The following MID1 variants were observed in gnomAD, a reference collection of about 807,000 sequenced individuals.
MID1 encodes the protein E3 ubiquitin-protein ligase Midline-1.
Under a neutral mutation model 40.4 loss-of-function variants are expected in MID1, and 7 were observed. The observed-to-expected ratio is 0.17, with a 90% CI of 0.10 to 0.33. The LOEUF (loss-of-function observed/expected upper bound fraction) is 0.33. MID1 is among the 10% of genes least tolerant of loss of function. The pLI, the probability that MID1 is intolerant of heterozygous loss-of-function variation, is 1.00. For missense variants in MID1, 367 were observed against 558.5 expected (o/e 0.66, Z 3.46); for synonymous variants, 229 against 221.2 (o/e 1.04, Z -0.31).
intron 1 of MID1, among the ~76,000 whole-genome samples, chrX:10,708,115 T>A (rs1428184434): frequency 8.9e-6 from 1 of 112,561 alleles, no homozygotes; most frequent in Non-Finnish European, 1.9e-5. Context: ...TTAGTAAAAA[T>A]TATCTGGTCA....
chrX:10,609,235 G>A (rs758609640), intron 1 of MID1, among the ~76,000 whole-genome samples: 49 of 111,289 alleles, frequency 4.4e-4, no homozygotes, highest in Middle Eastern at 4.6e-3. Context: ...TTATTCCACC[G>A]TGTGTACATA....
intron 1 of MID1, among the ~76,000 whole-genome samples, chrX:10,572,314 C>T: frequency 9.1e-6 from 1 of 110,322 alleles, no homozygotes; most frequent in East Asian, 2.8e-4. Context: ...CTTTGGGAGG[C>T]CAAGGTGGGT....
chrX:10,567,932 T>C (rs1368343142), intron 1 of MID1, among the ~76,000 whole-genome samples: 4 of 112,180 alleles, frequency 3.6e-5, no homozygotes, highest in African/African-American at 9.7e-5. Flanking sequence ...AGAATAATCT[T>C]ATTGTGTCAG....
At chrX:10,590,724 T>C (rs745596950) in intron 1 of MID1, among the ~76,000 whole-genome samples, 6 of 112,526 alleles carry the variant, frequency 5.3e-5, no homozygotes, top group Non-Finnish European at 3.8e-5. Flanking sequence ...TCTTGTATTA[T>C]CAAAGTATGC....
chrX:10,799,491 G>C (rs918547989), intron 1 of MID1, among the ~76,000 whole-genome samples: 1 of 111,892 alleles, frequency 8.9e-6, no homozygotes. Context: ...GACACTATAA[G>C]GCCAGATCCG....
intron 1 of MID1, among the ~76,000 whole-genome samples, chrX:10,592,780 C>G (rs1013546716): frequency 6.3e-5 from 7 of 110,877 alleles, no homozygotes; most frequent in African/African-American, 2.3e-4. Flanking sequence ...CATGTGGGAA[C>G]AAAGATGACA....
intron 1 of MID1, among the ~76,000 whole-genome samples, chrX:10,759,235 G>T (rs1029966978): frequency 8.9e-6 from 1 of 112,279 alleles, no homozygotes. Flanking sequence ...CTAAGCGAGT[G>T]CTGTTACTCA....
At chrX:10,579,464 A>G (rs1268652784) in intron 1 of MID1, among the ~76,000 whole-genome samples, 3 of 112,276 alleles carry the variant, frequency 2.7e-5, no homozygotes, top group African/African-American at 9.7e-5. Flanking sequence ...AACACTGGAA[A>G]GCTTAAGTTC....
intron 1 of MID1, among the ~76,000 whole-genome samples, chrX:10,661,548 C>T (rs1343119827): frequency 9.1e-6 from 1 of 110,386 alleles, no homozygotes; most frequent in Non-Finnish European, 1.9e-5. Flanking sequence ...CTCCTGACCT[C>T]GTGATCCACC....
rs1936089419 is a variant in MID1 at position 10,634,654 on chromosome X, T to C, written c.-186-14235A>G. Among the ~76,000 whole-genome samples the C allele has an allele frequency of 3.6e-5, 4 of 112,176 alleles. No individual in the cohort carries two copies. The Admixed American group carries it at 3.8e-4, about 11-fold the overall frequency. ...GTATTTAATGCTAGCAATTTTTATCTTAATACACTTGCTTCATGCATTTGA... is the reference window on the plus strand; with the variant it reads ...GTATTTAATGCTAGCAATTTTTATCCTAATACACTTGCTTCATGCATTTGA... On this transcript the variant is annotated intron_variant, in intron 1 of 10. Transcript: ENST00000380785.
intron 1 of MID1, among the ~76,000 whole-genome samples, chrX:10,796,925 T>C (rs1359479924): frequency 4.5e-5 from 5 of 111,577 alleles, no homozygotes; most frequent in Non-Finnish European, 9.4e-5. Flanking sequence ...CCAAATAACT[T>C]TCATGTGATT....
At chrX:10,813,141 G>C (rs1247431837) in intron 1 of MID1, among the ~76,000 whole-genome samples, 1 of 109,347 alleles carries the variant, frequency 9.1e-6, no homozygotes, top group Non-Finnish European at 1.9e-5. Flanking sequence ...CAGGAAGATG[G>C]TCTAGTTTTG....
At chrX:10,602,244 A>C (rs1240339311) in intron 1 of MID1, among the ~76,000 whole-genome samples, 1 of 72,064 alleles carries the variant, frequency 1.4e-5, no homozygotes, top group African/African-American at 9.0e-5. Flanking sequence ...TTTTTTTTTT[A>C]CCACCAATGA....
chrX:10,572,846 G>T (rs916278627), intron 1 of MID1, among the ~76,000 whole-genome samples: 5 of 111,666 alleles, frequency 4.5e-5, no homozygotes, highest in African/African-American at 1.6e-4. Context: ...GCCTGTCCAT[G>T]GTTTAAACAT....
At position 10,482,665 on chromosome X, in the gene MID1, G is replaced by A. The variant is rs761942146; in HGVS notation, c.865-37C>T. ...GAGGCATGGAGAGAGATGGTTACAT[G>A]GGTGGTCTTGCTTAATGAAAAGGCA... On this transcript the variant is annotated intron_variant, in intron 4 of 9. Transcript: ENST00000317552. 4.9e-5 allele frequency: 58 copies of A among 1,188,551 alleles called. No individual in the cohort carries two copies. In the East Asian group the frequency reaches 1.5e-3, roughly 30 times the overall value.
At chrX:10,666,403 C>G in intron 1 of MID1, among the ~76,000 whole-genome samples, 1 of 59,814 alleles carries the variant, frequency 1.7e-5, no homozygotes, top group South Asian at 8.7e-4. Context: ...CCTTGATAAA[C>G]TGCAAAAAAA....
intron 1 of MID1, among the ~76,000 whole-genome samples, chrX:10,637,232 G>C (rs1016608583): frequency 5.4e-5 from 6 of 110,874 alleles, no homozygotes. Context: ...AAAAAAACTT[G>C]AAGGTTTCAA....
chrX:10,637,682 T>A (rs1409062250), intron 1 of MID1, among the ~76,000 whole-genome samples: 1 of 111,098 alleles, frequency 9.0e-6, no homozygotes, highest in Non-Finnish European at 1.9e-5. Flanking sequence ...CAATGTTGAA[T>A]TTATAGAGCC....
intron 7 of MID1, among the ~76,000 whole-genome samples, chrX:10,464,049 G>A (rs970689630): frequency 8.9e-6 from 1 of 111,819 alleles, no homozygotes; most frequent in Non-Finnish European, 1.9e-5. Context: ...TCCCAGTTTG[G>A]TCAGCACCAG....
Sources: gnomAD v4.1 joint callset for allele counts (sites outside exome capture counted in the v4.1 genomes callset) on GRCh38, gnomAD v4.1.1 for gene constraint, MANE v1.5 for transcripts, NCBI Gene and HGNC (gene_info 2026-07-23, HGNC 2026-07-21) for gene names.